The following SMIM12 variants were observed in gnomAD, a reference collection of about 807,000 sequenced individuals.
The protein encoded by SMIM12 is UPF0767 protein C1orf212.
SMIM12 carries 5 observed loss-of-function variants against 6.3 expected under a neutral mutation model. The ratio of observed to expected loss-of-function variants is 0.80; its 90% CI spans 0.42 to 1.68. The LOEUF is 1.68. Ranked by LOEUF, SMIM12 falls within the 40% of genes most tolerant of loss-of-function variation. The pLI, the probability that SMIM12 is intolerant of heterozygous loss-of-function variation, is 0.02. For missense variants in SMIM12, 103 were observed against 121.4 expected (o/e 0.85, Z 0.71); for synonymous variants, 51 against 48.0 (o/e 1.06, Z -0.26).
At position 34,855,058 on chromosome 1, in the gene SMIM12, TA is replaced by T; in HGVS notation, c.*640del. On this transcript the variant is annotated 3_prime_UTR_variant, in exon 2 of 2. Transcript: ENST00000521580. The stretch of plus-strand genomic sequence containing the variant: ...AGATTCGATCATTATGGTTCTCAGA[TA>T]CCACTTTAATCAGGTTTTTCACTAT... 1 of 1,274,818 alleles carries T rather than the reference TA, an allele frequency of 7.8e-7. No individual in the cohort carries two copies. Among genetic ancestry groups the T allele is most frequent in the Non-Finnish European group, 1.0e-6 (1 of 977,934 alleles). The allele number at this position is 1,274,818 out of a possible 1,614,324, so 79.0% of individuals were successfully genotyped here. A position where few individuals can be genotyped will look rare whatever the true frequency, so the allele number is the denominator to read the frequency against.
Position 34,854,449 on chromosome 1 carries a change from G to A in SMIM12, c.*1250C>T, listed in dbSNP as rs976504064. 2 of 152,142 alleles carry A rather than the reference G, an allele frequency of 1.3e-5. No individual in the cohort carries two copies. Among genetic ancestry groups the A allele is most frequent in the African/African-American group, 2.4e-5 (1 of 41,374 alleles). The allele number at this position is 152,142 out of a possible 1,614,324, so 9.4% of individuals were successfully genotyped here. Reference sequence around the variant, plus strand: ...TAGCTGGGCATGGTGGCATACTCCTGTAGTCCCATCTACTTGAGGAGCTGA... The same window carrying A: ...TAGCTGGGCATGGTGGCATACTCCTATAGTCCCATCTACTTGAGGAGCTGA... On this transcript the variant is annotated 3_prime_UTR_variant, in exon 2 of 2. Transcript: ENST00000521580.
Position 34,852,479 on chromosome 1 carries a change from A to AAAG in SMIM12, c.*3219_*3220insCTT, listed in dbSNP as rs1553172455. On this transcript the variant is annotated 3_prime_UTR_variant, in exon 2 of 2. Transcript: ENST00000521580. ...TTAGATCGCCAAAAAAAAAAAAAAA[A>AAAG]AAAAAACCATAATTATAGGTGTCAT... 6.6e-6 allele frequency among the ~76,000 whole-genome samples: 1 copy of AAAG among 150,414 alleles called. No homozygotes were observed. Among genetic ancestry groups the AAAG allele is most frequent in the East Asian group, 1.9e-4 (1 of 5,178 alleles).
intron 1 of SMIM12, chr1:34,857,644 C>G (rs940882271): frequency 6.6e-6 from 1 of 152,186 alleles, no homozygotes; most frequent in African/African-American, 2.4e-5. Context: ...AGTGAACAAT[C>G]GAAACCTCAC....
Position 34,851,756 on chromosome 1 carries a change from A to G in SMIM12, c.*3943T>C, listed in dbSNP as rs1640935160. The stretch of plus-strand genomic sequence containing the variant: ...GAGAAGTGATTCCTGCCGTGCTCGG[A>G]GAGGACCCTATACTAAAGCCACCAC... On this transcript the variant is annotated 3_prime_UTR_variant, in exon 2 of 2. Transcript: ENST00000521580. 6.6e-6 allele frequency among the ~76,000 whole-genome samples: 1 copy of G among 152,200 alleles called. No homozygotes were observed. Among genetic ancestry groups the G allele is most frequent in the Non-Finnish European group, 1.5e-5 (1 of 68,036 alleles).
In SMIM12 at chr1:34,855,537, TG is replaced by T; in HGVS notation, c.*161del. On this transcript the variant is annotated 3_prime_UTR_variant, in exon 2 of 2. Coordinates refer to ENST00000521580, the MANE Select transcript of SMIM12 (RefSeq NM_138428.6). ...CTGGCCCCTCGGCTGCTGCTGGGTCTGCCTGGCCATCAAGGAGCAGCCAGTA... is the reference window on the plus strand; with the variant it reads ...CTGGCCCCTCGGCTGCTGCTGGGTCTCCTGGCCATCAAGGAGCAGCCAGTA... 6.2e-7 allele frequency: 1 copy of T among 1,612,358 alleles called. No homozygotes were observed. Among genetic ancestry groups the T allele is most frequent in the Non-Finnish European group, 8.5e-7 (1 of 1,179,386 alleles).
intron 1 of SMIM12, chr1:34,859,142 C>G (rs555110383): frequency 6.6e-6 from 1 of 152,370 alleles, no homozygotes; most frequent in Admixed American, 6.5e-5. Context: ...GCAAAAGTGT[C>G]TGAAAAACAC....
Position 34,854,775 on chromosome 1 carries a change from G to A in SMIM12, c.*924C>T, listed in dbSNP as rs182643853. 126 of 161,006 alleles carry A rather than the reference G, an allele frequency of 7.8e-4. 1 individual carries two copies. Among genetic ancestry groups the A allele is most frequent in the Middle Eastern group, 3.3e-3 (1 of 306 alleles). The allele number at this position is 161,006 out of a possible 1,614,324, so 10.0% of individuals were successfully genotyped here. ...CCCTACCAAATTTTCTTGAATGTGC[G>A]TATATACTTTTATAGGGAAAGGCGT... is the stretch of plus-strand genomic sequence containing the variant. On this transcript the variant is annotated 3_prime_UTR_variant, in exon 2 of 2. Coordinates refer to ENST00000521580, the MANE Select transcript of SMIM12 (RefSeq NM_138428.6).
chr1:34,858,615 G>T (rs1638724966), intron 1 of SMIM12: 1 of 152,136 alleles, frequency 6.6e-6, no homozygotes, highest in African/African-American at 2.4e-5. Flanking sequence ...TTTAAAGCAA[G>T]TCCTCTGTAT....
chr1:34,856,519 T>C (rs1375357693), intron 1 of SMIM12: 1 of 153,450 alleles, frequency 6.5e-6, no homozygotes. Context: ...CACCAATATA[T>C]GACAATGTTC....
At chr1:34,858,205 A>C (rs971864982) in intron 1 of SMIM12, 5 of 151,574 alleles carry the variant, frequency 3.3e-5, no homozygotes, top group African/African-American at 1.2e-4. Flanking sequence ...ACTAATCATC[A>C]TTTGATCCTC....
rs75792882 is a variant in SMIM12, at chr1:34,853,393, C to T, written c.*2306G>A. The T allele has an allele frequency of 6.6e-6, 1 of 152,354 alleles. No homozygotes were observed. Among genetic ancestry groups the T allele is most frequent in the East Asian group, 1.9e-4 (1 of 5,190 alleles). 9.4% of individuals were successfully genotyped at this position (152,354 alleles called of 1,614,324 possible). On this transcript the variant is annotated 3_prime_UTR_variant, in exon 2 of 2. Coordinates refer to ENST00000521580, the MANE Select transcript of SMIM12 (RefSeq NM_138428.6). ...CTCTCTGCTTTTACTCCCCTCACAG[C>T]CTTACCAGCAACGTCTTCAGTGGTA...
At chr1:34,859,244 G>A (rs1342977493) in intron 1 of SMIM12, among the ~76,000 whole-genome samples, 3 of 152,250 alleles carry the variant, frequency 2.0e-5, no homozygotes, top group Non-Finnish European at 4.4e-5. Context: ...GCCCCAGTGC[G>A]AGGGCCCGGA....
chr1:34,855,319 G>T lies in SMIM12; in HGVS notation c.*380C>A. 7.2e-7 allele frequency: 1 copy of T among 1,397,314 alleles called. No homozygotes were observed. Among genetic ancestry groups the T allele is most frequent in the Non-Finnish European group, 9.6e-7 (1 of 1,041,844 alleles). 86.6% of individuals were successfully genotyped at this position (1,397,314 alleles called of 1,614,324 possible). A position where few individuals can be genotyped will look rare whatever the true frequency, so the allele number is the denominator to read the frequency against. Reference sequence around the variant, plus strand: ...TTTGAATTCTTTCCAGTGCAGACTGGAACTAGACATGCAGGTATCCCTCCT... The same window carrying T: ...TTTGAATTCTTTCCAGTGCAGACTGTAACTAGACATGCAGGTATCCCTCCT... On this transcript the variant is annotated 3_prime_UTR_variant, in exon 2 of 2. Coordinates refer to ENST00000521580, the MANE Select transcript of SMIM12 (RefSeq NM_138428.6).
In SMIM12 at chr1:34,854,881, T is replaced by C. The variant is rs1249196187; in HGVS notation, c.*818A>G. The C allele has an allele frequency of 1.2e-5, 3 of 255,852 alleles. No individual in the cohort carries two copies. The highest frequency in any genetic ancestry group is 6.9e-5 in the African/African-American group (3 of 43,756). 15.8% of individuals were successfully genotyped at this position (255,852 alleles called of 1,614,324 possible). ...ATTGTAATAATGGTAAAAAGGTTCCTGGGAATCTGTGCCTCCAGGGTTCAG... is the reference window on the plus strand; with the variant it reads ...ATTGTAATAATGGTAAAAAGGTTCCCGGGAATCTGTGCCTCCAGGGTTCAG... On this transcript the variant is annotated 3_prime_UTR_variant, in exon 2 of 2. Transcript: ENST00000521580.
In SMIM12 at chr1:34,855,383, C is replaced by T. The variant is rs1326685183; in HGVS notation, c.*316G>A. ...AAATCCCAGCCATTCCCACTAGAGG[C>T]CAAACCGCCTGCCCACAGAGATTGA... On this transcript the variant is annotated 3_prime_UTR_variant, in exon 2 of 2. Transcript: ENST00000521580. The T allele has an allele frequency of 6.8e-7, 1 of 1,475,112 alleles. No homozygotes were observed. The highest frequency in any genetic ancestry group is 1.1e-5 in the South Asian group (1 of 89,084). The allele number at this position is 1,475,112 out of a possible 1,614,324, so 91.4% of individuals were successfully genotyped here.
At position 34,853,430 on chromosome 1, in the gene SMIM12, A is replaced by C. The variant is rs1437862054; in HGVS notation, c.*2269T>G. ...CGTCTTCAGTGGTAAGATTTAGTAG[A>C]AACTCCTAGAGCCCTTTTGGAAAGA... On this transcript the variant is annotated 3_prime_UTR_variant, in exon 2 of 2. Transcript: ENST00000521580. The C allele has an allele frequency of 6.6e-6, 1 of 152,246 alleles. No individual in the cohort carries two copies. Among genetic ancestry groups the C allele is most frequent in the African/African-American group, 2.4e-5 (1 of 41,462 alleles). The allele number at this position is 152,246 out of a possible 1,614,324, so 9.4% of individuals were successfully genotyped here. A position where few individuals can be genotyped will look rare whatever the true frequency, so the allele number is the denominator to read the frequency against.
chr1:34,852,226 A>G lies in SMIM12; in HGVS notation c.*3473T>C, dbSNP rs750830449. ...AAGAAGGGAGCCACCTGGATTCCCAAAGATAGGGCTCTCTCGACCAGACAC... is the reference window on the plus strand; with the variant it reads ...AAGAAGGGAGCCACCTGGATTCCCAGAGATAGGGCTCTCTCGACCAGACAC... On this transcript the variant is annotated 3_prime_UTR_variant, in exon 2 of 2. Transcript: ENST00000521580. 3.9e-5 allele frequency among the ~76,000 whole-genome samples: 6 copies of G among 152,198 alleles called. No homozygotes were observed. Among genetic ancestry groups the G allele is most frequent in the Non-Finnish European group, 5.9e-5 (4 of 68,034 alleles).
In SMIM12 at chr1:34,855,819, C is replaced by T. The variant is rs754336631; in HGVS notation, c.159G>A (p.Arg53=). The change falls in exon 2 of 2, where the codon CGG becomes CGA. Residue 53 remains arginine, a synonymous_variant. Coordinates refer to ENST00000521580, the MANE Select transcript of SMIM12 (RefSeq NM_138428.6). ...VEEEKSISER[R]EDRKLDELLG... is the part of the protein sequence containing the mutation. ...GAAGCTCATCCAGCTTGCGATCCTC[C>T]CGGCGCTCTGAGATGCTCTTTTCCT... 1.9e-6 allele frequency: 3 copies of T among 1,552,430 alleles called. No homozygotes were observed. The highest frequency in any genetic ancestry group is 2.6e-6 in the Non-Finnish European group (3 of 1,147,398).
intron 1 of SMIM12, among the ~76,000 whole-genome samples, chr1:34,856,391 C>T (rs1210079492): frequency 3.9e-5 from 6 of 152,136 alleles, no homozygotes; most frequent in African/African-American, 4.8e-5. Context: ...CACCCACCCC[C>T]GTGCAGAGCA....
Sources: allele counts gnomAD v4.1 joint callset (sites outside exome capture counted in the v4.1 genomes callset), GRCh38; gene constraint gnomAD v4.1.1; transcripts MANE v1.5; gene names NCBI Gene and HGNC (gene_info 2026-07-23, HGNC 2026-07-21).